Variants in ANKAR observed in about 807,000 individuals in gnomAD.
ANKAR encodes the protein ankyrin and armadillo repeat containing.
Under a neutral mutation model 146.2 loss-of-function variants are expected in ANKAR, and 136 were observed. That is an observed-to-expected ratio of 0.93 (90% CI 0.81 to 1.07). The LOEUF (loss-of-function observed/expected upper bound fraction) is 1.07, where lower values mean the gene tolerates loss of function less well. ANKAR is among the 50% of genes least tolerant of loss of function. The pLI is 0.00. For synonymous variants in ANKAR, 500 were observed against 575.8 expected, an observed-to-expected ratio of 0.87 and a Z score of 1.88; for missense variants, 1,567 against 1,679.9, an observed-to-expected ratio of 0.93 and a Z score of 1.18.
chr2:189,722,166 C>T (rs1407061201), intron 12 of ANKAR, among the ~76,000 whole-genome samples: 1 of 151,660 alleles, frequency 6.6e-6, no homozygotes, highest in African/African-American at 2.4e-5. Context: ...ATGGTGAAAC[C>T]CTATCTCTAC....
intron 22 of ANKAR, among the ~76,000 whole-genome samples, chr2:189,745,321 A>C (rs546718997): frequency 6.6e-6 from 1 of 152,158 alleles, no homozygotes; most frequent in Non-Finnish European, 1.5e-5. Context: ...CTTCCCTATT[A>C]TATCACTTGA....
Position 189,676,919 on chromosome 2 carries a change from T to C in ANKAR, c.429T>C (p.Ile143=), listed in dbSNP as rs113873576. 15 of 1,614,022 alleles carry C rather than the reference T, an allele frequency of 9.3e-6. No homozygotes were observed. Among genetic ancestry groups the C allele is most frequent in the African/African-American group, 5.3e-5 (4 of 74,922 alleles). The change falls in exon 2 of 23, where the codon ATT becomes ATC. Residue 143 remains isoleucine, a synonymous_variant. Coordinates refer to ENST00000684021, the MANE Select transcript of ANKAR (RefSeq NM_001378068.1). The part of the protein sequence containing the change: ...QLPPAYYDTR[I]GQILINIDYM... ...CTCCAGCTTATTATGATACCAGAAT[T>C]GGGCAAATTCTGATCAATATTGACT...
chr2:189,676,810 T>A lies in ANKAR; in HGVS notation c.320T>A (p.Leu107Ter), dbSNP rs1418166265. The change falls in exon 2 of 23, where the codon TTG becomes TAG. Residue 107 changes from leucine to a stop codon, truncating the protein, a stop_gained. Coordinates refer to ENST00000684021, the MANE Select transcript of ANKAR (RefSeq NM_001378068.1). LOFTEE classifies it high-confidence loss of function. ...GAGGTCCATCAAATGATAAGAGAGT[T>A]GGCTATTGGAATTTATTGCCTAAAT... ...YREVHQMIRELAIGIYCLNQI... is the reference protein window; with the variant it reads ...YREVHQMIRE 2 of 1,614,194 alleles carry A rather than the reference T, an allele frequency of 1.2e-6. No homozygotes were observed. The highest frequency in any genetic ancestry group is 3.3e-5 in the Admixed American group (2 of 60,028).
At chr2:189,707,452 C>CA (rs67227035) in intron 9 of ANKAR, among the ~76,000 whole-genome samples, 45,042 of 73,174 alleles carry the variant, frequency 0.62, 14,062 homozygotes, top group Middle Eastern at 0.75. Flanking sequence ...TCTCCTTCAT[C>CA]AAAAAAAAAA....
chr2:189,689,580 G>C lies in ANKAR; in HGVS notation c.655G>C (p.Val219Leu). ...PDFNEIYDED[V>L]NEDPTYDPNS... ...CTTTAATGAAATCTATGATGAAGAC[G>C]TGAATGAAGATCCAACATATGATCC... is the stretch of plus-strand genomic sequence containing the variant. Residue 219 changes from valine to leucine, a missense_variant, in exon 3 of 23, where the codon GTG becomes CTG. Physicochemically the swap from Val to Leu is conservative, Grantham distance 32 (BLOSUM62 1). Coordinates refer to ENST00000684021, the MANE Select transcript of ANKAR (RefSeq NM_001378068.1). 1 of 1,611,464 alleles carries C rather than the reference G, an allele frequency of 6.2e-7. No individual in the cohort carries two copies. The highest frequency in any genetic ancestry group is 8.5e-7 in the Non-Finnish European group (1 of 1,179,012).
At position 189,727,866 on chromosome 2, in the gene ANKAR, G is replaced by C. The variant is rs758445428; in HGVS notation, c.2646G>C (p.Lys882Asn). 1 of 1,613,798 alleles carries C rather than the reference G, an allele frequency of 6.2e-7. No homozygotes were observed. Among genetic ancestry groups the C allele is most frequent in the Non-Finnish European group, 8.5e-7 (1 of 1,179,824 alleles). The change falls in exon 13 of 23, where the codon AAG becomes AAC. Residue 882 changes from lysine (K) to asparagine (N), a missense_variant. Coordinates refer to ENST00000684021, the MANE Select transcript of ANKAR (RefSeq NM_001378068.1). The part of the protein sequence containing the change: ...RFLSSDSDVL[K>N]AVSSAAIAEV... Reference sequence around the variant, plus strand: ...TAAATTCATTTGAAGATGTGTTGAAGGCTGTATCTTCTGCTGCAATTGCTG... The same window carrying C: ...TAAATTCATTTGAAGATGTGTTGAACGCTGTATCTTCTGCTGCAATTGCTG...
At chr2:189,740,342 C>T (rs897854913) in intron 19 of ANKAR, among the ~76,000 whole-genome samples, 8 of 152,142 alleles carry the variant, frequency 5.3e-5, no homozygotes, top group African/African-American at 1.9e-4. Flanking sequence ...GATGATACAA[C>T]CAATTTTCCC....
At position 189,706,960 on chromosome 2, in the gene ANKAR, C is replaced by T; in HGVS notation, c.1933C>T (p.Leu645Phe). The change falls in exon 9 of 23, where the codon CTT becomes TTT. Residue 645 changes from leucine to phenylalanine, a missense_variant. Transcript: ENST00000684021. ...TAENQCTPLL[L>F]AATSGALDTI... ...TAGGAATCAGTGCACTCCACTGTTA[C>T]TTGCTGCCACTTCAGGAGCACTGGA... is the stretch of plus-strand genomic sequence containing the variant. 1.2e-6 allele frequency: 2 copies of T among 1,612,788 alleles called. No homozygotes were observed. The highest frequency in any genetic ancestry group is 1.7e-6 in the Non-Finnish European group (2 of 1,179,436).
At chr2:189,732,330 A>G (rs942671008) in intron 16 of ANKAR, among the ~76,000 whole-genome samples, 4 of 152,090 alleles carry the variant, frequency 2.6e-5, no homozygotes, top group African/African-American at 9.7e-5. Flanking sequence ...TAGTAGTACT[A>G]TTTCTTAGTA....
chr2:189,686,427 A>G (rs2035606215), intron 2 of ANKAR, among the ~76,000 whole-genome samples: 1 of 152,190 alleles, frequency 6.6e-6, no homozygotes, highest in South Asian at 2.1e-4. Context: ...TTCTTTGTAA[A>G]TGGCAAGAAA....
chr2:189,705,934 G>A (rs1175104704), intron 8 of ANKAR, among the ~76,000 whole-genome samples: 2 of 151,782 alleles, frequency 1.3e-5, no homozygotes, highest in African/African-American at 4.8e-5. Context: ...CTAGGTCTTT[G>A]AGTAACCTTT....
intron 7 of ANKAR, 137 bp downstream of exon 7, chr2:189,696,506 TAAGA>T (rs2037220454): frequency 2.7e-6 from 2 of 751,308 alleles, no homozygotes; most frequent in Non-Finnish European, 4.2e-6. Context: ...TTCATTTATC[TAAGA>T]AAGGCTTCTT....
chr2:189,712,995 G>A (rs1003873159), intron 10 of ANKAR, among the ~76,000 whole-genome samples: 4 of 152,152 alleles, frequency 2.6e-5, no homozygotes, highest in Non-Finnish European at 2.9e-5. Flanking sequence ...TTCAATAGCC[G>A]ATTCGATCAA....
intron 17 of ANKAR, among the ~76,000 whole-genome samples, chr2:189,736,630 A>C (rs1405804682): frequency 6.6e-6 from 1 of 151,632 alleles, no homozygotes; most frequent in African/African-American, 2.4e-5. Flanking sequence ...TTCAGCAGTC[A>C]TCATCTCATG....
At chr2:189,741,294 G>T in intron 19 of ANKAR, 48 bp from the exon 20 acceptor site, 1 of 1,417,424 alleles carries the variant, frequency 7.1e-7, no homozygotes, top group Non-Finnish European at 9.7e-7. Context: ...AGTATTATAA[G>T]TTTATATCAA....
At chr2:189,748,643 G>T (rs1440246115), downstream of ANKAR, among the ~76,000 whole-genome samples, 2 of 152,150 alleles carry the variant, frequency 1.3e-5, no homozygotes, top group African/African-American at 4.8e-5. Flanking sequence ...GAGGGAAATG[G>T]TCTATTTTAT....
chr2:189,762,352 T>C (rs766484199), downstream of ANKAR, among the ~76,000 whole-genome samples: 15 of 152,226 alleles, frequency 9.9e-5, 1 homozygote, highest in South Asian at 1.9e-3. Flanking sequence ...TAAAACTTTC[T>C]GGGTGTTAAA....
At chr2:189,726,524 G>A (rs1424584800) in intron 12 of ANKAR, among the ~76,000 whole-genome samples, 2 of 152,040 alleles carry the variant, frequency 1.3e-5, no homozygotes, top group Non-Finnish European at 2.9e-5. Context: ...AACCCAAACT[G>A]AGGAAAATTC....
intron 12 of ANKAR, among the ~76,000 whole-genome samples, chr2:189,724,588 A>G (rs1399630805): frequency 6.6e-6 from 1 of 152,196 alleles, no homozygotes; most frequent in African/African-American, 2.4e-5. Context: ...TTCAATAAAT[A>G]TGCATTAAAT....
Sources: gnomAD v4.1 joint callset for allele counts (sites outside exome capture counted in the v4.1 genomes callset) on GRCh38, gnomAD v4.1.1 for gene constraint, MANE v1.5 for transcripts, NCBI Gene and HGNC (gene_info 2026-07-23, HGNC 2026-07-21) for gene names.